Variants in COL4A4 observed in about 807,000 individuals in gnomAD.
COL4A4 encodes collagen type IV alpha 4 chain, also known as collagen alpha-4(IV) chain.
In COL4A4, 105 loss-of-function variants were observed where a neutral mutation model predicts 192.9. The observed-to-expected ratio is 0.54, with a 90% CI of 0.46 to 0.64. The LOEUF is 0.64. COL4A4 is among the 30% of genes least tolerant of loss of function. The pLI is 0.00. For synonymous variants in COL4A4, 762 were observed against 769.9 expected (o/e 0.99, Z 0.17); for missense variants, 1,967 against 2,169.3 (o/e 0.91, Z 1.85).
At chr2:227,147,184 T>C (rs2063601793) in intron 2 of COL4A4, 1 of 660,500 alleles carries the variant, frequency 1.5e-6, no homozygotes. Context: ...TCTGGGGCCT[T>C]TCCTTGTGCA....
At chr2:227,122,581 G>A (rs1019914541) in intron 4 of COL4A4, among the ~76,000 whole-genome samples, 2 of 152,118 alleles carry the variant, frequency 1.3e-5, no homozygotes, top group African/African-American at 4.8e-5. Flanking sequence ...GGAGTCACCC[G>A]AAATCAGCAT....
intron 3 of COL4A4, among the ~76,000 whole-genome samples, chr2:227,141,856 G>C (rs1209932952): frequency 6.6e-6 from 1 of 151,956 alleles, no homozygotes; most frequent in African/African-American, 2.4e-5. Context: ...CAGCATGAAA[G>C]CACTTAAAGT....
At chr2:226,980,878 T>C in the COL4A4 span, among the ~76,000 whole-genome samples, 1 of 152,196 alleles carries the variant, frequency 6.6e-6, no homozygotes, top group Non-Finnish European at 1.5e-5. Flanking sequence ...TATAAATAAT[T>C]AATGTCTATT....
intron 45 of COL4A4, 89 bp from the exon 46 acceptor site, chr2:227,010,590 A>G: frequency 8.8e-7 from 1 of 1,135,774 alleles, no homozygotes; most frequent in Non-Finnish European, 1.2e-6. Flanking sequence ...CACTGTGCTA[A>G]GCACTCAGGG....
downstream of COL4A4, among the ~76,000 whole-genome samples, chr2:226,999,491 A>G (rs200851513): frequency 1.3e-5 from 2 of 152,248 alleles, no homozygotes; most frequent in East Asian, 3.9e-4. Context: ...GAATCTTGCC[A>G]TGTGCTTTTT....
rs373977276 is a variant in COL4A4 at position 227,059,436 on chromosome 2, G to A, written c.2352C>T (p.Pro784=). 102 of 1,613,988 alleles carry A rather than the reference G, an allele frequency of 6.3e-5. No homozygotes were observed. The highest frequency in any genetic ancestry group is 8.3e-5 in the Non-Finnish European group (98 of 1,180,020). The stretch of plus-strand genomic sequence containing the variant: ...CCCCTGGACATCCCGGATCACCTCT[G>A]GGTCCTTTTATCCCTGGCACTCCTG... ...GLSGVPGIKG[P]RGDPGCPGAE... Residue 784 remains proline (P), a synonymous_variant, in exon 28 of 48, where the codon CCC becomes CCT. Coordinates refer to ENST00000396625, the MANE Select transcript of COL4A4 (RefSeq NM_000092.5).
Position 227,007,266 on chromosome 2 carries a change from G to A in COL4A4, c.*59C>T. On this transcript the variant is annotated 3_prime_UTR_variant, in exon 48 of 48. Transcript: ENST00000396625. ...CCATGACATCTCTTAGCACAGTCTA[G>A]GAAGTCTTAGCCCCCTAGGAAGTTT... 2 of 1,609,546 alleles carry A rather than the reference G, an allele frequency of 1.2e-6. No individual in the cohort carries two copies. Among genetic ancestry groups the A allele is most frequent in the Non-Finnish European group, 1.7e-6 (2 of 1,176,348 alleles).
At chr2:226,986,372 C>T in the COL4A4 span, among the ~76,000 whole-genome samples, 1 of 152,106 alleles carries the variant, frequency 6.6e-6, no homozygotes, top group East Asian at 1.9e-4. Context: ...TTAGTTTCGA[C>T]AAATGTACTG....
the COL4A4 span, among the ~76,000 whole-genome samples, chr2:226,993,924 G>T: frequency 6.6e-6 from 1 of 152,140 alleles, no homozygotes; most frequent in African/African-American, 2.4e-5. Context: ...GCCACTCTTG[G>T]GCAATGAGCA....
chr2:227,160,147 A>G (rs773765640), intron 1 of COL4A4, among the ~76,000 whole-genome samples: 13 of 152,236 alleles, frequency 8.5e-5, no homozygotes, highest in Admixed American at 2.0e-4. Flanking sequence ...AAAGCTTGGG[A>G]TGACACAAGA....
chr2:227,100,730 C>T (rs1318857755), intron 17 of COL4A4, among the ~76,000 whole-genome samples: 2 of 151,970 alleles, frequency 1.3e-5, no homozygotes, highest in African/African-American at 4.8e-5. Context: ...ATGGTAACTC[C>T]TACAATTCCC....
At chr2:226,988,354 A>C in the COL4A4 span, 1 of 1,550,236 alleles carries the variant, frequency 6.5e-7, no homozygotes, top group South Asian at 1.2e-5. Context: ...ATAAAGAGAC[A>C]ATGGCAAGTC....
At chr2:227,071,907 G>A (rs1163635325) in intron 25 of COL4A4, among the ~76,000 whole-genome samples, 1 of 152,052 alleles carries the variant, frequency 6.6e-6, no homozygotes, top group African/African-American at 2.4e-5. Flanking sequence ...GCAGTGCTAA[G>A]AGGAAAGCTT....
rs1331987722 is a variant in COL4A4, at chr2:227,028,865, C to T, written c.3974-856G>A. Among the ~76,000 whole-genome samples, 4 of 151,858 alleles carry T rather than the reference C, an allele frequency of 2.6e-5. No individual in the cohort carries two copies. The East Asian group carries it at 5.8e-4, about 22-fold the overall frequency. On this transcript the variant is annotated intron_variant, in intron 41 of 47. Coordinates refer to ENST00000396625, the MANE Select transcript of COL4A4 (RefSeq NM_000092.5). ...AGAGATGGGGGTCTCACTGTGTTGC[C>T]CAGGCTGGTCTTGAACTATACTGGC... is the stretch of plus-strand genomic sequence containing the variant.
In COL4A4 at chr2:227,043,069, C is replaced by T; in HGVS notation, c.3397+8G>A. 6.2e-7 allele frequency: 1 copy of T among 1,605,960 alleles called. No individual in the cohort carries two copies. The highest frequency in any genetic ancestry group is 1.1e-5 in the South Asian group (1 of 90,768). On this transcript the variant is annotated splice_region_variant and intron_variant, in intron 36 of 47. Coordinates refer to ENST00000396625, the MANE Select transcript of COL4A4 (RefSeq NM_000092.5). ...CTCAGGAAGTCTCCAGATTTCCTTT[C>T]AAGGTACCTGGGCACCCTGGTGGTC...
intron 4 of COL4A4, among the ~76,000 whole-genome samples, chr2:227,125,706 C>A (rs1250679641): frequency 6.6e-6 from 1 of 152,174 alleles, no homozygotes; most frequent in African/African-American, 2.4e-5. Flanking sequence ...CGGGAGCGCC[C>A]CCTCTCTGCC....
At chr2:227,101,582 TA>T (rs59443812) in intron 16 of COL4A4, 25 bp from the exon 17 acceptor site, 3,825 of 1,391,736 alleles carry the variant, frequency 2.7e-3, no homozygotes, top group South Asian at 4.2e-3. Flanking sequence ...AAACATGCCT[TA>T]AAAAAAAAAA....
intron 4 of COL4A4, among the ~76,000 whole-genome samples, chr2:227,129,766 C>T (rs919690790): frequency 6.6e-6 from 1 of 152,156 alleles, no homozygotes; most frequent in Admixed American, 6.5e-5. Context: ...ACCTCAGCAT[C>T]TTGACCACTG....
intron 4 of COL4A4, among the ~76,000 whole-genome samples, chr2:227,134,080 G>C (rs2062660684): frequency 6.6e-6 from 1 of 152,076 alleles, no homozygotes; most frequent in South Asian, 2.1e-4. Context: ...ACTGGAAGCT[G>C]GTGGGCTGAA....
Sources: allele counts gnomAD v4.1 joint callset (sites outside exome capture counted in the v4.1 genomes callset), GRCh38; gene constraint gnomAD v4.1.1; transcripts MANE v1.5; gene names NCBI Gene and HGNC (gene_info 2026-07-23, HGNC 2026-07-21).